Variants in THSD7A observed in about 807,000 individuals in gnomAD.
THSD7A encodes the protein thrombospondin type 1 domain containing 7A, also known as thrombospondin type-1 domain-containing protein 7A.
THSD7A carries 96 observed loss-of-function variants against 231.3 expected under a neutral mutation model. The ratio of observed to expected loss-of-function variants is 0.41; its 90% CI spans 0.35 to 0.49. The LOEUF is 0.49. Ranked by LOEUF, THSD7A falls within the 20% of genes least tolerant of loss-of-function variation. The pLI is 0.05. For synonymous variants in THSD7A, 940 were observed against 743.3 expected, an observed-to-expected ratio of 1.26 and a Z score of -4.30; for missense variants, 2,290 against 2,070.2, an observed-to-expected ratio of 1.11 and a Z score of -2.06.
intron 1 of THSD7A, among the ~76,000 whole-genome samples, chr7:11,796,826 A>G (rs1784138938): frequency 6.6e-6 from 1 of 152,068 alleles, no homozygotes; most frequent in South Asian, 2.1e-4. Flanking sequence ...TTTCTATACT[A>G]TGTTAGTCAT....
In THSD7A at chr7:11,732,733, G is replaced by A. The variant is rs1050099273; in HGVS notation, c.191-95772C>T. The stretch of plus-strand genomic sequence containing the variant: ...CTTTGAAAGTAGATGTAAGGGTTGT[G>A]GCAGCAGCCTTTGTAAGATTATCAA... On this transcript the variant is annotated intron_variant, in intron 1 of 27. Coordinates refer to ENST00000423059, the MANE Select transcript of THSD7A (RefSeq NM_015204.3). Among the ~76,000 whole-genome samples, 6 of 151,750 alleles carry A rather than the reference G, an allele frequency of 4.0e-5. No homozygotes were observed. The South Asian group carries it at 1.0e-3, about 26-fold the overall frequency.
chr7:11,529,168 A>C (rs78348669), intron 6 of THSD7A, among the ~76,000 whole-genome samples: 9,421 of 152,196 alleles, frequency 0.062, 427 homozygotes, highest in East Asian at 0.18. Flanking sequence ...AAACTCACAT[A>C]ATCTTGTTCT....
intron 2 of THSD7A, among the ~76,000 whole-genome samples, chr7:11,622,620 G>A (rs1241275162): frequency 6.6e-6 from 1 of 151,980 alleles, no homozygotes; most frequent in South Asian, 2.1e-4. Flanking sequence ...TAAGCTCCCG[G>A]CAGATAGGTA....
chr7:11,477,429 T>C (rs1261501522), intron 7 of THSD7A, among the ~76,000 whole-genome samples: 1 of 152,198 alleles, frequency 6.6e-6, no homozygotes, highest in East Asian at 1.9e-4. Context: ...TTATTGATAA[T>C]GCTAACTTTG....
rs543205083 is a variant in THSD7A at position 11,648,349 on chromosome 7, C to T, written c.191-11388G>A. On this transcript the variant is annotated intron_variant, in intron 1 of 27. Coordinates refer to ENST00000423059, the MANE Select transcript of THSD7A (RefSeq NM_015204.3). ...TTTTTTAGCTGGTATTAAGAAATCC[C>T]TTATGAGCCATGAGTCAAGGGAAGG... Among the ~76,000 whole-genome samples, 3 of 152,058 alleles carry T rather than the reference C, an allele frequency of 2.0e-5. No homozygotes were observed. The South Asian group carries it at 6.2e-4, about 32-fold the overall frequency.
chr7:11,500,940 A>G (rs1236544289), intron 6 of THSD7A, among the ~76,000 whole-genome samples: 1 of 134,790 alleles, frequency 7.4e-6, no homozygotes, highest in African/African-American at 2.6e-5. Flanking sequence ...TCTCAAAAAA[A>G]GAAAGAAAAA....
At chr7:11,376,702 T>G in intron 26 of THSD7A, 45 bp from the exon 27 acceptor site, 2 of 1,423,150 alleles carry the variant, frequency 1.4e-6, no homozygotes, top group Non-Finnish European at 1.9e-6. Flanking sequence ...TAGTCTGGTA[T>G]ACATGAGGCA....
At chr7:11,799,205 G>C (rs11975451) in intron 1 of THSD7A, among the ~76,000 whole-genome samples, 1,900 of 152,228 alleles carry the variant, frequency 0.012, 49 homozygotes, top group African/African-American at 0.044. Context: ...AGAGGCATGA[G>C]CCACCGCGCC....
chr7:11,460,975 G>C (rs1352985373), intron 10 of THSD7A, among the ~76,000 whole-genome samples: 1 of 152,180 alleles, frequency 6.6e-6, no homozygotes, highest in Non-Finnish European at 1.5e-5. Flanking sequence ...GTGAAGACAA[G>C]AGTACATCAT....
At chr7:11,622,504 G>A (rs1781344477) in intron 2 of THSD7A, among the ~76,000 whole-genome samples, 2 of 152,066 alleles carry the variant, frequency 1.3e-5, no homozygotes, top group South Asian at 2.1e-4. Flanking sequence ...TAAGAAATAA[G>A]TTGTAAAGTT....
chr7:11,741,008 A>G (rs568550203), intron 1 of THSD7A, among the ~76,000 whole-genome samples: 1 of 152,076 alleles, frequency 6.6e-6, no homozygotes, highest in African/African-American at 2.4e-5. Context: ...GTGATCATAT[A>G]AATTATTTTT....
chr7:11,789,660 A>G (rs1783891039), intron 1 of THSD7A, among the ~76,000 whole-genome samples: 1 of 152,004 alleles, frequency 6.6e-6, no homozygotes, highest in South Asian at 2.1e-4. Flanking sequence ...TAGACATGTT[A>G]TATAGCAGAT....
chr7:11,726,233 G>C (rs888243665), intron 1 of THSD7A, among the ~76,000 whole-genome samples: 2 of 151,826 alleles, frequency 1.3e-5, no homozygotes, highest in Non-Finnish European at 2.9e-5. Flanking sequence ...GTTGAAAAGG[G>C]AGCTCTGAAT....
At chr7:11,581,159 TATA>T (rs1439458098) in intron 4 of THSD7A, among the ~76,000 whole-genome samples, 2 of 152,096 alleles carry the variant, frequency 1.3e-5, no homozygotes, top group African/African-American at 2.4e-5. Flanking sequence ...AAATAATTAA[TATA>T]ATGTCTTAAT....
At chr7:11,586,824 A>G (rs1456718515) in intron 4 of THSD7A, among the ~76,000 whole-genome samples, 2 of 152,026 alleles carry the variant, frequency 1.3e-5, no homozygotes, top group African/African-American at 4.8e-5. Context: ...CCCTCCGCCT[A>G]TCTTCCCATT....
At chr7:11,752,590 T>C (rs1013675755) in intron 1 of THSD7A, among the ~76,000 whole-genome samples, 3 of 152,036 alleles carry the variant, frequency 2.0e-5, no homozygotes, top group Non-Finnish European at 2.9e-5. Context: ...ACATAAATTT[T>C]AGTACCTCTA....
At chr7:11,773,365 T>G (rs1042953814) in intron 1 of THSD7A, among the ~76,000 whole-genome samples, 5 of 151,982 alleles carry the variant, frequency 3.3e-5, no homozygotes, top group African/African-American at 1.2e-4. Flanking sequence ...AAACCCTGTC[T>G]CTACTAAAAT....
At chr7:11,582,143 AG>A (rs1322278005) in intron 4 of THSD7A, among the ~76,000 whole-genome samples, 1 of 151,936 alleles carries the variant, frequency 6.6e-6, no homozygotes, top group Non-Finnish European at 1.5e-5. Flanking sequence ...TTTCTTATTT[AG>A]TACTTCTATT....
intron 23 of THSD7A, chr7:11,385,768 T>C (rs1334928976): frequency 1.3e-5 from 2 of 152,172 alleles, no homozygotes; most frequent in Non-Finnish European, 2.9e-5. Flanking sequence ...TCATAGTAAC[T>C]GGGGGTTTGT....
Sources: allele counts gnomAD v4.1 joint callset (sites outside exome capture counted in the v4.1 genomes callset), GRCh38; gene constraint gnomAD v4.1.1; transcripts MANE v1.5; gene names NCBI Gene and HGNC (gene_info 2026-07-23, HGNC 2026-07-21).